MLLT10: variants seen among roughly 807,000 people sequenced by gnomAD.
MLLT10 encodes the protein MLLT10 histone lysine methyltransferase DOT1L cofactor, also known as protein AF-10.
Under a neutral mutation model 129.1 loss-of-function variants are expected in MLLT10, and 30 were observed. That is an observed-to-expected ratio of 0.23 (90% CI 0.17 to 0.32). The LOEUF is 0.32. Among genes scored for constraint, MLLT10 ranks in the 10% least tolerant of loss-of-function variants. MLLT10 has a pLI of 1.00. For missense variants in MLLT10, 1,119 were observed against 1,268.3 expected (o/e 0.88, Z 1.79); for synonymous variants, 490 against 446.4 (o/e 1.10, Z -1.23).
intron 13 of MLLT10, among the ~76,000 whole-genome samples, chr10:21,699,328 A>G (rs967258057): frequency 4.7e-5 from 7 of 148,976 alleles, no homozygotes; most frequent in South Asian, 2.1e-4. Flanking sequence ...ATTTTCTCCT[A>G]TTCAACAGTT....
At position 21,742,238 on chromosome 10, in the gene MLLT10, T is replaced by G; in HGVS notation, c.*255T>G. 2.5e-6 allele frequency: 1 copy of G among 394,054 alleles called. No homozygotes were observed. Among genetic ancestry groups the G allele is most frequent in the Non-Finnish European group, 4.5e-6 (1 of 222,350 alleles). 24.4% of individuals were successfully genotyped at this position (394,054 alleles called of 1,614,324 possible). On this transcript the variant is annotated 3_prime_UTR_variant, in exon 23 of 23. Coordinates refer to ENST00000307729, the MANE Select transcript of MLLT10 (RefSeq NM_001195626.3). ...CATGGAAAGAAAATTTAATAACTTT[T>G]TAAAGTGACATAATTTACATGCAAT...
intron 8 of MLLT10, among the ~76,000 whole-genome samples, chr10:21,645,543 A>G (rs2131305426): frequency 6.6e-6 from 1 of 152,290 alleles, no homozygotes; most frequent in South Asian, 2.1e-4. Context: ...GTTATGCCTA[A>G]ATATTAATTT....
chr10:21,735,232 A>C lies in MLLT10; in HGVS notation c.2952A>C (p.Thr984=). The C allele has an allele frequency of 6.2e-7, 1 of 1,607,998 alleles. No individual in the cohort carries two copies. The highest frequency in any genetic ancestry group is 8.5e-7 in the Non-Finnish European group (1 of 1,174,942). The part of the protein sequence containing the change: ...FQQLLNSQQL[T]PEQHQAFLYQ... The stretch of plus-strand genomic sequence containing the variant: ...AGTTGTTAAATTCTCAACAGCTCAC[A>C]CCAGTAAGTTCTTTCTTTTGATAAT... Residue 984 remains threonine, a synonymous_variant, in exon 21 of 23, where the codon ACA becomes ACC. Transcript: ENST00000307729.
At chr10:21,551,501 A>C (rs1375998733) in intron 3 of MLLT10, among the ~76,000 whole-genome samples, 1 of 151,842 alleles carries the variant, frequency 6.6e-6, no homozygotes, top group Non-Finnish European at 1.5e-5. Context: ...GGTGGTTTTC[A>C]AAAATTAACA....
At chr10:21,573,562 C>T (rs572193819) in intron 3 of MLLT10, among the ~76,000 whole-genome samples, 11 of 150,106 alleles carry the variant, frequency 7.3e-5, no homozygotes, top group African/African-American at 2.2e-4. Flanking sequence ...TCAAATGTTA[C>T]GCTAAATGCC....
chr10:21,608,363 G>A (rs2044269669), intron 5 of MLLT10, among the ~76,000 whole-genome samples: 1 of 151,346 alleles, frequency 6.6e-6, no homozygotes, highest in Non-Finnish European at 1.5e-5. Flanking sequence ...TTAAAGTAGA[G>A]GTGAGGTTTT....
At chr10:21,708,810 T>C in intron 13 of MLLT10, 1 of 881,508 alleles carries the variant, frequency 1.1e-6, no homozygotes, top group Non-Finnish European at 1.4e-6. Flanking sequence ...GTAGAGACAT[T>C]AGAGGACCTG....
chr10:21,716,055 G>A (rs1371178004), intron 14 of MLLT10, among the ~76,000 whole-genome samples: 1 of 152,254 alleles, frequency 6.6e-6, no homozygotes, highest in Non-Finnish European at 1.5e-5. Flanking sequence ...GTTGAACTGA[G>A]TGCTGAACTA....
At chr10:21,679,011 A>G (rs1211497736) in intron 11 of MLLT10, among the ~76,000 whole-genome samples, 5 of 152,212 alleles carry the variant, frequency 3.3e-5, no homozygotes, top group African/African-American at 1.2e-4. Flanking sequence ...CTCTCATGAC[A>G]TGTTCAAATT....
At chr10:21,652,037 C>T (rs779839765) in intron 9 of MLLT10, among the ~76,000 whole-genome samples, 3 of 151,464 alleles carry the variant, frequency 2.0e-5, no homozygotes, top group South Asian at 2.1e-4. Flanking sequence ...CTCAGACTCC[C>T]GAGTAGCTGG....
intron 5 of MLLT10, among the ~76,000 whole-genome samples, chr10:21,608,752 T>G (rs2044309760): frequency 6.6e-6 from 1 of 152,116 alleles, no homozygotes; most frequent in African/African-American, 2.4e-5. Flanking sequence ...TCTTCTTAAG[T>G]TTGCTAATTT....
At chr10:21,598,989 C>T (rs891964093) in intron 5 of MLLT10, among the ~76,000 whole-genome samples, 2 of 151,904 alleles carry the variant, frequency 1.3e-5, no homozygotes, top group African/African-American at 4.8e-5. Context: ...ACCAGCCTGA[C>T]CAAGATGGCG....
intron 13 of MLLT10, among the ~76,000 whole-genome samples, chr10:21,684,931 A>C (rs995397868): frequency 1.3e-5 from 2 of 151,788 alleles, no homozygotes; most frequent in African/African-American, 4.8e-5. Context: ...TGGACTTCCA[A>C]CTTTATCTAG....
chr10:21,651,131 GA>G (rs2048992577), intron 8 of MLLT10, among the ~76,000 whole-genome samples: 2 of 152,126 alleles, frequency 1.3e-5, no homozygotes, highest in African/African-American at 2.4e-5. Flanking sequence ...GGGTGCAGTG[GA>G]ACGATCTTGG....
chr10:21,634,488 G>A (rs545551876), intron 8 of MLLT10, among the ~76,000 whole-genome samples: 9 of 152,290 alleles, frequency 5.9e-5, no homozygotes, highest in African/African-American at 1.7e-4. Context: ...TTAAGGTGTC[G>A]TCTACCAGAT....
At chr10:21,690,599 T>C (rs2053756584) in intron 13 of MLLT10, among the ~76,000 whole-genome samples, 1 of 152,106 alleles carries the variant, frequency 6.6e-6, no homozygotes, top group African/African-American at 2.4e-5. Context: ...TTTTAAATTC[T>C]CAGTGTCGCC....
chr10:21,685,747 A>G (rs968683961), intron 13 of MLLT10, among the ~76,000 whole-genome samples: 2 of 152,244 alleles, frequency 1.3e-5, no homozygotes, highest in African/African-American at 2.4e-5. Context: ...CCAAGTTACT[A>G]TACTGAAAGA....
intron 13 of MLLT10, among the ~76,000 whole-genome samples, chr10:21,698,128 A>T (rs1445667807): frequency 6.6e-6 from 1 of 152,136 alleles, no homozygotes; most frequent in Non-Finnish European, 1.5e-5. Flanking sequence ...AATGATAGTC[A>T]CCCTAGCCTT....
intron 3 of MLLT10, among the ~76,000 whole-genome samples, chr10:21,566,571 A>C (rs1308813679): frequency 1.3e-5 from 2 of 150,074 alleles, no homozygotes; most frequent in Non-Finnish European, 3.0e-5. Flanking sequence ...TAGGTGATGC[A>C]CCTACCTTGG....
Sources: allele counts gnomAD v4.1 joint callset (sites outside exome capture counted in the v4.1 genomes callset), GRCh38; gene constraint gnomAD v4.1.1; transcripts MANE v1.5; gene names NCBI Gene and HGNC (gene_info 2026-07-23, HGNC 2026-07-21).